ABCA13: variants seen among roughly 807,000 people sequenced by gnomAD.
The protein encoded by ABCA13 is ATP binding cassette subfamily A member 13.
A neutral mutation model predicts 478.7 loss-of-function variants in ABCA13; 476 were observed. That is an observed-to-expected ratio of 0.99 (90% CI 0.92 to 1.07). The LOEUF (loss-of-function observed/expected upper bound fraction) is 1.07. ABCA13 is among the 50% of genes least tolerant of loss of function. The pLI is 0.00. For missense variants in ABCA13, 6,060 were observed against 5,910.6 expected (o/e 1.03, Z -0.83); for synonymous variants, 2,252 against 2,158.9 (o/e 1.04, Z -1.20).
In ABCA13 at chr7:48,298,471, A is replaced by G. The variant is rs575131464; in HGVS notation, c.9305A>G (p.Asn3102Ser). 6.2e-7 allele frequency: 1 copy of G among 1,612,964 alleles called. No homozygotes were observed. The highest frequency in any genetic ancestry group is 8.5e-7 in the Non-Finnish European group (1 of 1,179,510). The change falls in exon 23 of 62, where the codon AAT (asparagine) becomes AGT (serine). Residue 3102 changes from asparagine to serine, a missense_variant. Coordinates refer to ENST00000435803, the MANE Select transcript of ABCA13 (RefSeq NM_152701.5). The part of the protein sequence containing the change: ...NETIHSILEA[N>S]ISHSKVLFSA... Reference sequence around the variant, plus strand: ...ACTATCCATAGCATTCTAGAAGCAAATATTTCCCACTCCAAGGTGTGGTGC... The same window carrying G: ...ACTATCCATAGCATTCTAGAAGCAAGTATTTCCCACTCCAAGGTGTGGTGC...
rs531978824 is a variant in ABCA13 at position 48,427,122 on chromosome 7, T to C, written c.12460-644T>C. 4.1e-3 allele frequency among the ~76,000 whole-genome samples: 618 copies of C among 152,266 alleles called. 6 individuals carry two copies. Among genetic ancestry groups the C allele is most frequent in the African/African-American group, 0.014 (592 of 41,548 alleles). On this transcript the variant is annotated intron_variant, in intron 41 of 61. Transcript: ENST00000435803. Reference sequence around the variant, plus strand: ...CAGGTGCAGCTCAAGGCCCTCGATGTCTCCACCCCACCTCATTTCCCTTTG... The same window carrying C: ...CAGGTGCAGCTCAAGGCCCTCGATGCCTCCACCCCACCTCATTTCCCTTTG...
At chr7:48,269,727 C>T (rs1163591742) in intron 16 of ABCA13, among the ~76,000 whole-genome samples, 1 of 152,154 alleles carries the variant, frequency 6.6e-6, no homozygotes, top group Non-Finnish European at 1.5e-5. Flanking sequence ...CTGCACCTTG[C>T]CCCAGTCATA....
chr7:48,211,416 A>C (rs1333768107), intron 3 of ABCA13, among the ~76,000 whole-genome samples: 2 of 152,164 alleles, frequency 1.3e-5, no homozygotes, highest in African/African-American at 4.8e-5. Flanking sequence ...AAGTTAAGAG[A>C]GCATTCTCTG....
intron 8 of ABCA13, 83 bp downstream of exon 8, chr7:48,234,234 G>A (rs755189845): frequency 1.4e-5 from 22 of 1,598,268 alleles, no homozygotes; most frequent in Non-Finnish European, 1.9e-5. Context: ...CAGGGTGAGC[G>A]GGTGCCACGG....
chr7:48,534,106 T>G (rs1049199958), intron 55 of ABCA13, among the ~76,000 whole-genome samples: 1 of 152,176 alleles, frequency 6.6e-6, no homozygotes, highest in Non-Finnish European at 1.5e-5. Flanking sequence ...TATTTTGGTG[T>G]ATTTTGAGGA....
chr7:48,390,063 G>A (rs767234727), intron 37 of ABCA13, among the ~76,000 whole-genome samples: 26 of 152,174 alleles, frequency 1.7e-4, no homozygotes, highest in African/African-American at 5.3e-4. Flanking sequence ...CTGGAAAAGC[G>A]TGTGAGTGTT....
At chr7:48,355,326 C>A (rs1233927527) in intron 31 of ABCA13, among the ~76,000 whole-genome samples, 1 of 151,346 alleles carries the variant, frequency 6.6e-6, no homozygotes, top group Admixed American at 6.6e-5. Flanking sequence ...GGCAGAGGAA[C>A]CCCCCATGCA....
chr7:48,198,213 TTTC>T, intron 2 of ABCA13, 21 bp from the exon 3 acceptor site: 1 of 1,606,360 alleles, frequency 6.2e-7, no homozygotes. Flanking sequence ...TACGGACTCA[TTTC>T]TTCTTTGCAT....
chr7:48,208,900 TC>T (rs1247014550), intron 3 of ABCA13, among the ~76,000 whole-genome samples: 1 of 152,102 alleles, frequency 6.6e-6, no homozygotes, highest in Non-Finnish European at 1.5e-5. Context: ...GAAAAGGTCT[TC>T]AGTTTTCCCC....
chr7:48,309,275 G>C (rs1381113882), intron 23 of ABCA13, among the ~76,000 whole-genome samples: 1 of 152,026 alleles, frequency 6.6e-6, no homozygotes, highest in Non-Finnish European at 1.5e-5. Context: ...AAAACATGGA[G>C]CAGGAAGTAT....
At chr7:48,429,480 C>A (rs984568119) in intron 42 of ABCA13, among the ~76,000 whole-genome samples, 10 of 152,276 alleles carry the variant, frequency 6.6e-5, no homozygotes, top group Admixed American at 5.9e-4. Context: ...GTGACACACA[C>A]CTTAGTGTGT....
intron 57 of ABCA13, among the ~76,000 whole-genome samples, chr7:48,589,338 G>T (rs989987746): frequency 1.1e-4 from 16 of 151,738 alleles, no homozygotes; most frequent in Non-Finnish European, 7.3e-5. Flanking sequence ...AGAAACATCA[G>T]GGTTGGCTTA....
intron 52 of ABCA13, 54 bp from the exon 53 acceptor site, chr7:48,519,987 A>T (rs1308343145): frequency 9.9e-6 from 15 of 1,514,066 alleles, no homozygotes; most frequent in Middle Eastern, 2.0e-4. Context: ...GGTATATATT[A>T]TGAAAAGGGG....
At chr7:48,414,114 T>C (rs1252217388) in intron 41 of ABCA13, among the ~76,000 whole-genome samples, 1 of 152,192 alleles carries the variant, frequency 6.6e-6, no homozygotes, top group Non-Finnish European at 1.5e-5. Flanking sequence ...ACACACATGA[T>C]GAATAGGAGC....
At chr7:48,619,271 A>T (rs1792893903) in intron 59 of ABCA13, among the ~76,000 whole-genome samples, 2 of 151,982 alleles carry the variant, frequency 1.3e-5, no homozygotes, top group South Asian at 4.1e-4. Flanking sequence ...ATCTATGGAT[A>T]ACCTAAAGCT....
chr7:48,516,348 C>A (rs1832109113), intron 51 of ABCA13, among the ~76,000 whole-genome samples: 1 of 152,130 alleles, frequency 6.6e-6, no homozygotes, highest in African/African-American at 2.4e-5. Context: ...GTGAATTTCC[C>A]CTTTGTCCTG....
chr7:48,475,606 C>A (rs576113028), intron 45 of ABCA13, among the ~76,000 whole-genome samples: 28 of 151,806 alleles, frequency 1.8e-4, no homozygotes, highest in Admixed American at 5.9e-4. Flanking sequence ...GCTGGGATTA[C>A]AGGCATGCGC....
chr7:48,256,108 A>C (rs1562892125), intron 15 of ABCA13, among the ~76,000 whole-genome samples: 1 of 152,128 alleles, frequency 6.6e-6, no homozygotes, highest in African/African-American at 2.4e-5. Context: ...TCTTCTAAAA[A>C]GTGTCTGTTC....
At chr7:48,385,629 A>C (rs1815064069) in intron 35 of ABCA13, among the ~76,000 whole-genome samples, 1 of 152,158 alleles carries the variant, frequency 6.6e-6, no homozygotes, top group Non-Finnish European at 1.5e-5. Flanking sequence ...ATACATGGGC[A>C]TGTGTCTTTA....
Sources: gnomAD v4.1 joint callset for allele counts (sites outside exome capture counted in the v4.1 genomes callset) on GRCh38, gnomAD v4.1.1 for gene constraint, MANE v1.5 for transcripts, NCBI Gene and HGNC (gene_info 2026-07-23, HGNC 2026-07-21) for gene names.